ATP5PO: variants seen among roughly 807,000 people sequenced by gnomAD.
The protein encoded by ATP5PO is ATP synthase peripheral stalk subunit OSCP, mitochondrial.
ATP5PO carries 14 observed loss-of-function variants against 26.2 expected under a neutral mutation model. The observed-to-expected ratio is 0.53, with a 90% CI of 0.35 to 0.83. The LOEUF is 0.83. Among genes scored for constraint, ATP5PO ranks in the 40% least tolerant of loss-of-function variants. The probability of loss-of-function intolerance (pLI) is 0.01; values close to 1 mark genes in which losing one functional copy is unlikely to be tolerated. For missense variants in ATP5PO, 241 were observed against 258.5 expected (o/e 0.93, Z 0.46); for synonymous variants, 106 against 95.1 (o/e 1.12, Z -0.67).
intron 5 of ATP5PO, among the ~76,000 whole-genome samples, chr21:33,904,826 C>T (rs1425614262): frequency 6.6e-6 from 1 of 152,100 alleles, no homozygotes; most frequent in African/African-American, 2.4e-5. Flanking sequence ...CTGTAGCCTC[C>T]GCCTCCCAGG....
chr21:33,907,213 A>C lies in ATP5PO; in HGVS notation c.441+128T>G, dbSNP rs1036572239. 55 of 794,276 alleles carry C rather than the reference A, an allele frequency of 6.9e-5. No homozygotes were observed. The Middle Eastern group carries it at 1.2e-3, about 17-fold the overall frequency. 49.2% of individuals were successfully genotyped at this position (794,276 alleles called of 1,614,324 possible). ...TCACAGAAGCTGATATAAAAATGAA[A>C]CAAACATCCCAGGTGACAAGTTACC... On this transcript the variant is annotated intron_variant, in intron 5 of 6. Transcript: ENST00000290299.
chr21:33,904,809 C>T (rs373327437), intron 5 of ATP5PO, among the ~76,000 whole-genome samples: 9 of 152,256 alleles, frequency 5.9e-5, no homozygotes, highest in African/African-American at 9.6e-5. Context: ...GGCGAGATCT[C>T]GGCTTACTGT....
At position 33,909,066 on chromosome 21, in the gene ATP5PO, A is replaced by C; in HGVS notation, c.328+16T>G. ...TAGTTTCAAGACACCTCAAATGAAA[A>C]AGTTCTAATACTCACTGATCAGATT... On this transcript the variant is annotated intron_variant, in intron 4 of 6. Transcript: ENST00000290299. The C allele has an allele frequency of 6.3e-7, 1 of 1,579,570 alleles. No individual in the cohort carries two copies. Among genetic ancestry groups the C allele is most frequent in the Non-Finnish European group, 8.6e-7 (1 of 1,159,050 alleles).
At chr21:33,910,238 G>T (rs181062638) in intron 3 of ATP5PO, among the ~76,000 whole-genome samples, 74 of 152,148 alleles carry the variant, frequency 4.9e-4, no homozygotes, top group Admixed American at 4.2e-3. Context: ...CCAGGCTCCT[G>T]GCCAGAATCC....
At chr21:33,904,388 G>T (rs1987141802) in intron 5 of ATP5PO, among the ~76,000 whole-genome samples, 1 of 152,182 alleles carries the variant, frequency 6.6e-6, no homozygotes, top group Admixed American at 6.5e-5. Flanking sequence ...GAGGACACAG[G>T]CCTCTCCTGG....
At chr21:33,914,540 T>G in intron 1 of ATP5PO, 40 bp from the exon 2 acceptor site, 1 of 1,582,186 alleles carries the variant, frequency 6.3e-7, no homozygotes, top group Non-Finnish European at 8.6e-7. Flanking sequence ...ACAAAATTAC[T>G]TGAAGGATTT....
intron 5 of ATP5PO, among the ~76,000 whole-genome samples, chr21:33,905,131 T>C (rs979603112): frequency 1.3e-5 from 2 of 152,166 alleles, no homozygotes; most frequent in Non-Finnish European, 2.9e-5. Context: ...ATTTATGTCT[T>C]TGTAAAGATA....
rs1987138883 is a variant in ATP5PO at position 33,904,153 on chromosome 21, G to A, written c.442-132C>T. 1.4e-5 allele frequency: 10 copies of A among 701,256 alleles called. No homozygotes were observed. The East Asian group carries it at 2.9e-4, about 20-fold the overall frequency. 43.4% of individuals were successfully genotyped at this position (701,256 alleles called of 1,614,324 possible). ...CTTTGCTACCTGGGCCCATCATGGAGCTGCTCTGCAGCATTCACTCCTTGT... is the reference window on the plus strand; with the variant it reads ...CTTTGCTACCTGGGCCCATCATGGAACTGCTCTGCAGCATTCACTCCTTGT... On this transcript the variant is annotated intron_variant, in intron 5 of 6. Transcript: ENST00000290299.
intron 2 of ATP5PO, 66 bp downstream of exon 2, chr21:33,914,384 C>T: frequency 6.7e-7 from 1 of 1,501,236 alleles, no homozygotes; most frequent in Admixed American, 1.8e-5. Flanking sequence ...CACGCCCTGA[C>T]TGTACTGCTG....
intron 4 of ATP5PO, 191 bp downstream of exon 4, chr21:33,908,891 A>G: frequency 1.8e-6 from 1 of 569,410 alleles, no homozygotes; most frequent in Non-Finnish European, 2.9e-6. Flanking sequence ...TGCTCCTCAC[A>G]CTTCAATGTG....
chr21:33,906,935 G>A (rs1987181039), intron 5 of ATP5PO: 1 of 362,678 alleles, frequency 2.8e-6, no homozygotes, highest in Admixed American at 3.6e-5. Flanking sequence ...AGGCTACAGA[G>A]GTGTGACTGT....
At chr21:33,915,508 G>C in intron 1 of ATP5PO, 1 of 623,972 alleles carries the variant, frequency 1.6e-6, no homozygotes, top group East Asian at 3.3e-5. Flanking sequence ...CTCGGAAGAC[G>C]CCAAGGTTAC....
chr21:33,915,475 G>A (rs996220545), intron 1 of ATP5PO: 2 of 550,410 alleles, frequency 3.6e-6, no homozygotes, highest in Admixed American at 3.9e-5. Context: ...CGCCCCTCAG[G>A]CTAGCAGCTT....
intron 4 of ATP5PO, among the ~76,000 whole-genome samples, chr21:33,908,633 T>C (rs1987206849): frequency 6.6e-6 from 1 of 151,926 alleles, no homozygotes; most frequent in Non-Finnish European, 1.5e-5. Flanking sequence ...CACCTGAGTC[T>C]GGGAGGTTGA....
At chr21:33,909,016 A>G (rs1987211993) in intron 4 of ATP5PO, 66 bp downstream of exon 4, 1 of 1,468,438 alleles carries the variant, frequency 6.8e-7, no homozygotes, top group Non-Finnish European at 9.2e-7. Context: ...TGCCGCCCAC[A>G]GTCCATGGAC....
intron 3 of ATP5PO, among the ~76,000 whole-genome samples, chr21:33,910,697 C>G (rs971789491): frequency 3.3e-5 from 5 of 152,208 alleles, no homozygotes; most frequent in Non-Finnish European, 7.3e-5. Flanking sequence ...CCTGCATGCC[C>G]TTCCCCCAAA....
At chr21:33,907,918 G>A (rs560990667) in intron 4 of ATP5PO, among the ~76,000 whole-genome samples, 2 of 152,176 alleles carry the variant, frequency 1.3e-5, no homozygotes, top group African/African-American at 2.4e-5. Flanking sequence ...TTGGATGGCC[G>A]AGATGGGCAG....
At chr21:33,906,302 C>G (rs1432010456) in intron 5 of ATP5PO, 1 of 217,234 alleles carries the variant, frequency 4.6e-6, no homozygotes, top group Non-Finnish European at 9.3e-6. Flanking sequence ...GTAGGGTAAG[C>G]TACACTACAT....
At chr21:33,909,454 C>T (rs1053170768) in intron 3 of ATP5PO, among the ~76,000 whole-genome samples, 2 of 152,006 alleles carry the variant, frequency 1.3e-5, no homozygotes, top group Non-Finnish European at 2.9e-5. Flanking sequence ...TTAGTAGAAA[C>T]GGGGTTTCGC....
Sources: allele counts gnomAD v4.1 joint callset (sites outside exome capture counted in the v4.1 genomes callset), GRCh38; gene constraint gnomAD v4.1.1; transcripts MANE v1.5; gene names NCBI Gene and HGNC (gene_info 2026-07-23, HGNC 2026-07-21).